The following BFSP1 variants were observed in gnomAD, a reference collection of about 807,000 sequenced individuals.
BFSP1 encodes filensin.
A neutral mutation model predicts 43.9 loss-of-function variants in BFSP1; 38 were observed. The ratio of observed to expected loss-of-function variants is 0.87; its 90% CI spans 0.67 to 1.14. BFSP1 has a LOEUF of 1.14. Among genes scored for constraint, BFSP1 ranks in the 50% most tolerant of loss-of-function variants. BFSP1 has a pLI of 0.00. For missense variants in BFSP1, 850 were observed against 875.1 expected (o/e 0.97, Z 0.36); for synonymous variants, 352 against 354.8 (o/e 0.99, Z 0.09).
chr20:17,512,721 AAAAT>A (rs2034115851), intron 3 of BFSP1, among the ~76,000 whole-genome samples: 1 of 152,174 alleles, frequency 6.6e-6, no homozygotes, highest in African/African-American at 2.4e-5. Flanking sequence ...CACCGTGTCA[AAAAT>A]AAATAAGTTA....
At chr20:17,519,638 G>A (rs2034277426) in intron 2 of BFSP1, among the ~76,000 whole-genome samples, 1 of 152,222 alleles carries the variant, frequency 6.6e-6, no homozygotes, top group African/African-American at 2.4e-5. Context: ...TCCCTCCTAG[G>A]ATTGTGTCAA....
upstream of BFSP1, among the ~76,000 whole-genome samples, chr20:17,533,726 T>A (rs1435632092): frequency 1.3e-5 from 2 of 151,920 alleles, no homozygotes. Context: ...CATGCTGGAG[T>A]GGAGAATCAG....
chr20:17,558,216 C>T lies in BFSP1; in HGVS notation c.2+472G>A, dbSNP rs375276726. Among the ~76,000 whole-genome samples the T allele has an allele frequency of 6.0e-5, 9 of 150,628 alleles. No individual in the cohort carries two copies. The East Asian group carries it at 1.2e-3, about 20-fold the overall frequency. ...TTCAACCTCATTAATTTTTATGATG[C>T]GTAAAATTTTTTCATTACATTAGCC... is the stretch of plus-strand genomic sequence containing the variant. On this transcript the variant is annotated intron_variant, in intron 1 of 7. Transcript: ENST00000377868.
intron 1 of BFSP1, among the ~76,000 whole-genome samples, chr20:17,546,612 G>T (rs971820166): frequency 1.3e-5 from 2 of 152,074 alleles, no homozygotes; most frequent in African/African-American, 4.8e-5. Context: ...TGAGGCAGGA[G>T]GATCCCTTGA....
At chr20:17,556,794 T>C (rs1006400621) in intron 1 of BFSP1, among the ~76,000 whole-genome samples, 4 of 152,312 alleles carry the variant, frequency 2.6e-5, no homozygotes, top group South Asian at 4.1e-4. Flanking sequence ...ATTATATAAA[T>C]ATGTGGCAGG....
At chr20:17,509,595 A>AG (rs200706910) in intron 4 of BFSP1, among the ~76,000 whole-genome samples, 3,516 of 121,262 alleles carry the variant, frequency 0.029, 151 homozygotes, top group African/African-American at 0.11. Context: ...ACTCTAGAAA[A>AG]GGATTTGACT....
intron 2 of BFSP1, among the ~76,000 whole-genome samples, chr20:17,520,799 A>G (rs1033443810): frequency 1.3e-5 from 2 of 152,156 alleles, no homozygotes; most frequent in African/African-American, 4.8e-5. Context: ...AATTCTTGGC[A>G]TACAAAGGCA....
chr20:17,498,787 T>A (rs1286051086), intron 6 of BFSP1, 33 bp downstream of exon 6: 3 of 1,601,486 alleles, frequency 1.9e-6, no homozygotes, highest in Non-Finnish European at 1.7e-6. Flanking sequence ...GTGGAAGGAA[T>A]AAGTGGCCTG....
At chr20:17,559,069 G>A, upstream of BFSP1, 1 of 202,348 alleles carries the variant, frequency 4.9e-6, no homozygotes, top group East Asian at 1.1e-4. Context: ...AGGACCAATT[G>A]CAAGATGTGA....
At position 17,498,964 on chromosome 20, in the gene BFSP1, A is replaced by G. The variant is rs147718368; in HGVS notation, c.812T>C (p.Ile271Thr). ...CTCAATCTCCTTGCGCAGTGTCTCA[A>G]TCTGCTCGTTATAAAGCTGAATCTC... ...DDEIQLYNEQ[I>T]ETLRKEIEET... is the part of the protein sequence containing the mutation. The change falls in exon 6 of 8, where the codon ATT (isoleucine) becomes ACT (threonine). Residue 271 changes from isoleucine (I) to threonine (T), a missense_variant. Physicochemically the swap from Ile to Thr is moderately conservative, Grantham distance 89 (BLOSUM62 -1). Coordinates refer to ENST00000377873, the MANE Select transcript of BFSP1 (RefSeq NM_001195.5). 3.0e-4 allele frequency: 478 copies of G among 1,614,132 alleles called. 2 individuals carry two copies. The Middle Eastern group carries it at 3.6e-3, about 12-fold the overall frequency.
chr20:17,562,739 C>T (rs955275004), upstream of BFSP1, among the ~76,000 whole-genome samples: 5 of 152,024 alleles, frequency 3.3e-5, no homozygotes, highest in Non-Finnish European at 5.9e-5. Flanking sequence ...TCTACCATAA[C>T]GACTAATAGA....
chr20:17,567,786 G>A (rs1016841298), intron 1 of BFSP1, among the ~76,000 whole-genome samples: 2 of 151,468 alleles, frequency 1.3e-5, no homozygotes, highest in Non-Finnish European at 2.9e-5. Context: ...GCTTGAACCC[G>A]AGAGGCGGAG....
intron 1 of BFSP1, among the ~76,000 whole-genome samples, chr20:17,552,635 T>C (rs1018180450): frequency 6.6e-6 from 1 of 152,002 alleles, no homozygotes; most frequent in African/African-American, 2.4e-5. Context: ...ACCAGGGTGA[T>C]AGCAATGGAG....
At chr20:17,517,811 T>C (rs535303500) in intron 2 of BFSP1, among the ~76,000 whole-genome samples, 21 of 152,172 alleles carry the variant, frequency 1.4e-4, no homozygotes, top group African/African-American at 5.1e-4. Flanking sequence ...ACTCCCCACA[T>C]TGCAGGTGCT....
At chr20:17,499,456 AG>A (rs2033743105) in intron 5 of BFSP1, among the ~76,000 whole-genome samples, 1 of 119,876 alleles carries the variant, frequency 8.3e-6, no homozygotes, top group Non-Finnish European at 1.6e-5. Context: ...TTCGTTGCCC[AG>A]GCTGGTTTCA....
At chr20:17,558,611 T>C in intron 1 of BFSP1, 1 of 1,477,456 alleles carries the variant, frequency 6.8e-7, no homozygotes. Context: ...GGGAGTTTCT[T>C]TCCTAGAGTT....
At chr20:17,505,931 T>G (rs6034837) in intron 5 of BFSP1, among the ~76,000 whole-genome samples, 3 of 152,082 alleles carry the variant, frequency 2.0e-5, no homozygotes, top group African/African-American at 7.2e-5. Context: ...GCTACACCCT[T>G]GAATATGTTA....
At chr20:17,567,289 C>T (rs555640791) in intron 1 of BFSP1, among the ~76,000 whole-genome samples, 1 of 152,260 alleles carries the variant, frequency 6.6e-6, no homozygotes, top group East Asian at 1.9e-4. Context: ...TTCACTTATT[C>T]AATACTTATT....
chr20:17,514,901 C>A, intron 2 of BFSP1, 85 bp from the exon 3 acceptor site: 1 of 1,199,996 alleles, frequency 8.3e-7, no homozygotes. Context: ...ACACAGACCA[C>A]CTGGGAGCTT....
Sources: allele counts gnomAD v4.1 joint callset (sites outside exome capture counted in the v4.1 genomes callset), GRCh38; gene constraint gnomAD v4.1.1; transcripts MANE v1.5; gene names NCBI Gene and HGNC (gene_info 2026-07-23, HGNC 2026-07-21).